The following GABRA4 variants were observed in gnomAD, a reference collection of about 807,000 sequenced individuals.
GABRA4 encodes gamma-aminobutyric acid type A receptor subunit alpha4.
GABRA4 carries 12 observed loss-of-function variants against 49.7 expected under a neutral mutation model. The observed-to-expected ratio is 0.24, with a 90% CI of 0.15 to 0.39. The LOEUF (loss-of-function observed/expected upper bound fraction) is 0.39. GABRA4 is among the 10% of genes least tolerant of loss of function. The probability of loss-of-function intolerance (pLI) is 1.00; values close to 1 mark genes in which losing one functional copy is unlikely to be tolerated. For synonymous variants in GABRA4, 288 were observed against 240.2 expected (o/e 1.20, Z -1.84); for missense variants, 506 against 686.0 (o/e 0.74, Z 2.93).
chr4:46,924,817 AG>A lies in GABRA4; in HGVS notation c.*3407del, dbSNP rs1721154914. On this transcript the variant is annotated 3_prime_UTR_variant, in exon 9 of 9. Transcript: ENST00000264318. ...TGCTTGTATTTACTATGAGAATCAG[AG>A]AGTATTAAAACTGAAAAGCTCTTAG... 6.6e-6 allele frequency: 1 copy of A among 152,020 alleles called. No homozygotes were observed. The highest frequency in any genetic ancestry group is 6.6e-5 in the Admixed American group (1 of 15,222). 9.4% of individuals were successfully genotyped at this position (152,020 alleles called of 1,614,324 possible).
intron 8 of GABRA4, among the ~76,000 whole-genome samples, chr4:46,959,732 C>T (rs1387677642): frequency 8.3e-6 from 1 of 119,838 alleles, no homozygotes; most frequent in Non-Finnish European, 1.6e-5. Context: ...CATGATAGCA[C>T]TAGTATAATG....
intron 8 of GABRA4, among the ~76,000 whole-genome samples, chr4:46,941,799 A>G (rs991407823): frequency 4.6e-5 from 7 of 152,096 alleles, no homozygotes; most frequent in African/African-American, 1.4e-4. Context: ...AACTCTTACC[A>G]TCTTGCCCAG....
chr4:46,980,099 G>A (rs1294472749), intron 2 of GABRA4, among the ~76,000 whole-genome samples: 10 of 152,028 alleles, frequency 6.6e-5, no homozygotes, highest in Non-Finnish European at 1.3e-4. Context: ...AGATATTAAT[G>A]AGTATTAATT....
At chr4:46,956,495 A>G (rs1036446413) in intron 8 of GABRA4, among the ~76,000 whole-genome samples, 1 of 151,972 alleles carries the variant, frequency 6.6e-6, no homozygotes, top group Non-Finnish European at 1.5e-5. Context: ...ATGATAGCCA[A>G]CTACTCTTTC....
In GABRA4 at chr4:46,987,940, A is replaced by G. The variant is rs112722921; in HGVS notation, c.205+4888T>C. ...CTTTTACAGGGTCCCCAGAGACCCTATGAGACCTGGCCTCTATTTAATATC... is the reference window on the plus strand; with the variant it reads ...CTTTTACAGGGTCCCCAGAGACCCTGTGAGACCTGGCCTCTATTTAATATC... On this transcript the variant is annotated intron_variant, in intron 2 of 8. Coordinates refer to ENST00000264318, the MANE Select transcript of GABRA4 (RefSeq NM_000809.4). Among the ~76,000 whole-genome samples the G allele has an allele frequency of 1.7e-3, 261 of 152,272 alleles. 3 individuals are homozygous for G. Among genetic ancestry groups the G allele is most frequent in the Admixed American group, 0.014 (209 of 15,286 alleles).
chr4:46,956,489 T>G (rs1577767491), intron 8 of GABRA4, among the ~76,000 whole-genome samples: 1 of 152,194 alleles, frequency 6.6e-6, no homozygotes, highest in Non-Finnish European at 1.5e-5. Context: ...TATATTATGA[T>G]AGCCAACTAC....
chr4:46,970,246 T>G (rs1577781311), intron 7 of GABRA4, among the ~76,000 whole-genome samples: 1 of 151,540 alleles, frequency 6.6e-6, no homozygotes, highest in South Asian at 2.1e-4. Context: ...GTGATCCTAC[T>G]AGGTAGAAAA....
intron 8 of GABRA4, among the ~76,000 whole-genome samples, chr4:46,934,804 A>G (rs1721553595): frequency 6.6e-6 from 1 of 152,164 alleles, no homozygotes; most frequent in African/African-American, 2.4e-5. Flanking sequence ...TGTATGGTAG[A>G]CACATGGCTC....
At chr4:46,960,472 AT>A (rs1722536614) in intron 8 of GABRA4, among the ~76,000 whole-genome samples, 1 of 151,724 alleles carries the variant, frequency 6.6e-6, no homozygotes, top group Non-Finnish European at 1.5e-5. Context: ...GGCTTCAAAC[AT>A]TTATAAGTTT....
rs752136749 is a variant in GABRA4, at chr4:46,993,466, G to C, written c.-42C>G. ...ACTTCAAGCCTGTTCACGTTTCCAG[G>C]CTCTTCAGATGCCCTGAGCAGGGTG... On this transcript the variant is annotated 5_prime_UTR_variant, in exon 1 of 9. Transcript: ENST00000264318. The C allele has an allele frequency of 1.3e-6, 2 of 1,598,970 alleles. No homozygotes were observed. Among genetic ancestry groups the C allele is most frequent in the East Asian group, 2.2e-5 (1 of 44,770 alleles).
At chr4:46,935,685 G>A (rs1721581229) in intron 8 of GABRA4, among the ~76,000 whole-genome samples, 1 of 152,078 alleles carries the variant, frequency 6.6e-6, no homozygotes, top group East Asian at 1.9e-4. Context: ...GGGGGCTAGG[G>A]GAGGGATAGC....
chr4:46,950,731 A>AT lies in GABRA4; in HGVS notation c.1134+14238dup, dbSNP rs1455687778. 4.5e-4 allele frequency among the ~76,000 whole-genome samples: 67 copies of AT among 149,460 alleles called. No homozygotes were observed. The South Asian group carries it at 5.7e-3, about 13-fold the overall frequency. On this transcript the variant is annotated intron_variant, in intron 8 of 8. Transcript: ENST00000264318. The stretch of plus-strand genomic sequence containing the variant: ...ATTCTCTAAGAAAATAAATAAATAA[A>AT]TAAATAAATAAATAAATTACTATAT...
intron 8 of GABRA4, among the ~76,000 whole-genome samples, chr4:46,950,132 G>A (rs1235942876): frequency 1.7e-4 from 26 of 152,110 alleles, no homozygotes; most frequent in Non-Finnish European, 2.9e-5. Flanking sequence ...TTTCTTGCTT[G>A]CAGAAGCAGT....
At chr4:46,961,209 A>T (rs1239713436) in intron 8 of GABRA4, among the ~76,000 whole-genome samples, 1 of 151,866 alleles carries the variant, frequency 6.6e-6, no homozygotes, top group African/African-American at 2.4e-5. Flanking sequence ...CACACACGCC[A>T]TTCTTAAAGG....
chr4:46,961,659 T>G lies in GABRA4; in HGVS notation c.1134+3311A>C, dbSNP rs1403661693. 2.0e-5 allele frequency among the ~76,000 whole-genome samples: 3 copies of G among 152,016 alleles called. No homozygotes were observed. In the East Asian group the frequency reaches 5.8e-4, roughly 30 times the overall value. On this transcript the variant is annotated intron_variant, in intron 8 of 8. Coordinates refer to ENST00000264318, the MANE Select transcript of GABRA4 (RefSeq NM_000809.4). ...TCTATAGAGAAATAAAGTTGATGAT[T>G]TATATACGTGTTGATTTGGGTATAT... is the stretch of plus-strand genomic sequence containing the variant.
intron 8 of GABRA4, among the ~76,000 whole-genome samples, chr4:46,932,160 G>C (rs960899711): frequency 2.6e-5 from 4 of 152,012 alleles, no homozygotes; most frequent in African/African-American, 7.3e-5. Flanking sequence ...GGACCTTTAG[G>C]GGGCACTGTT....
Position 46,925,730 on chromosome 4 carries a change from T to TATTATC in GABRA4, c.*2494_*2495insGATAAT, listed in dbSNP as rs1256016043. The TATTATC allele has an allele frequency of 9.3e-6, 1 of 107,246 alleles. No homozygotes were observed. The highest frequency in any genetic ancestry group is 2.1e-5 in the Non-Finnish European group (1 of 48,174). The allele number at this position is 107,246 out of a possible 1,614,324, so 6.6% of individuals were successfully genotyped here. ...GCAAACAACATATTATTATTATTATTATTATTATTATTATTATTATTATTA... is the reference window on the plus strand; with the variant it reads ...GCAAACAACATATTATTATTATTATTATTATCATTATTATTATTATTATTATTATTA... On this transcript the variant is annotated 3_prime_UTR_variant, in exon 9 of 9. Transcript: ENST00000264318.
chr4:46,975,571 TA>T (rs1307473406), intron 5 of GABRA4, among the ~76,000 whole-genome samples: 1 of 151,932 alleles, frequency 6.6e-6, no homozygotes, highest in Non-Finnish European at 1.5e-5. Context: ...TAAAAATCCT[TA>T]CCTGCTGAGT....
rs146721163 is a variant in GABRA4 at position 46,988,838 on chromosome 4, A to C, written c.205+3990T>G. 1.1e-3 allele frequency among the ~76,000 whole-genome samples: 172 copies of C among 152,306 alleles called. 2 individuals are homozygous for C. The East Asian group carries it at 0.022, about 20-fold the overall frequency. On this transcript the variant is annotated intron_variant, in intron 2 of 8. Transcript: ENST00000264318. Reference sequence around the variant, plus strand: ...GATATAGCAATAAACCAGCTGCCTGACTAAGGTTTTAAAGATGAGGGTGTG... The same window carrying C: ...GATATAGCAATAAACCAGCTGCCTGCCTAAGGTTTTAAAGATGAGGGTGTG...
Sources: gnomAD v4.1 joint callset for allele counts (sites outside exome capture counted in the v4.1 genomes callset) on GRCh38, gnomAD v4.1.1 for gene constraint, MANE v1.5 for transcripts, NCBI Gene and HGNC (gene_info 2026-07-23, HGNC 2026-07-21) for gene names.